CYTH3: variants seen among roughly 807,000 people sequenced by gnomAD.
The protein encoded by CYTH3 is cytohesin 3.
CYTH3 carries 23 observed loss-of-function variants against 55.1 expected under a neutral mutation model. The observed-to-expected ratio is 0.42, with a 90% CI of 0.30 to 0.59. The LOEUF is 0.59. CYTH3 is among the 20% of genes least tolerant of loss of function. The pLI is 0.20. For synonymous variants in CYTH3, 249 were observed against 194.9 expected, an observed-to-expected ratio of 1.28 and a Z score of -2.31; for missense variants, 413 against 524.8, an observed-to-expected ratio of 0.79 and a Z score of 2.08.
intron 5 of CYTH3, among the ~76,000 whole-genome samples, chr7:6,174,565 CCAGA>C (rs1054952419): frequency 5.7e-5 from 2 of 34,900 alleles, no homozygotes; most frequent in South Asian, 8.2e-4. Flanking sequence ...TTTTTTTTTT[CCAGA>C]CAGAGTCTCG....
At chr7:6,225,144 A>G (rs1320311250) in intron 1 of CYTH3, among the ~76,000 whole-genome samples, 1 of 152,180 alleles carries the variant, frequency 6.6e-6, no homozygotes, top group African/African-American at 2.4e-5. Flanking sequence ...ATTATAAACA[A>G]ATTATTAATC....
At chr7:6,247,001 G>GA (rs1410757132) in intron 1 of CYTH3, among the ~76,000 whole-genome samples, 7 of 152,110 alleles carry the variant, frequency 4.6e-5, no homozygotes, top group Admixed American at 6.5e-5. Flanking sequence ...AAGGCATACA[G>GA]AAAAATTTCA....
chr7:6,253,676 C>T (rs774321888), intron 1 of CYTH3, among the ~76,000 whole-genome samples: 5 of 152,126 alleles, frequency 3.3e-5, no homozygotes, highest in Non-Finnish European at 4.4e-5. Context: ...ATTAGCCGGG[C>T]GTGGTAGTAG....
intron 6 of CYTH3, 141 bp downstream of exon 6, chr7:6,173,512 G>A (rs1364197716): frequency 8.8e-6 from 6 of 682,536 alleles, no homozygotes; most frequent in Non-Finnish European, 5.4e-6. Context: ...GCATTAGCTG[G>A]ATCATCCGGA....
intron 1 of CYTH3, among the ~76,000 whole-genome samples, chr7:6,236,823 A>C (rs1219891473): frequency 6.6e-6 from 1 of 152,112 alleles, no homozygotes. Context: ...TCAGTCTCCC[A>C]AAGTGCTGCG....
chr7:6,259,808 TATATAA>T lies in CYTH3; in HGVS notation c.34+12660_34+12665del, dbSNP rs1271158505. Among the ~76,000 whole-genome samples, 5 of 30,268 alleles carry T rather than the reference TATATAA, an allele frequency of 1.7e-4. 1 individual carries two copies. The highest frequency in any genetic ancestry group is 1.4e-3 in the African/African-American group (4 of 2,814). The allele number at this position is 30,268 out of a possible 152,430, so 19.9% of individuals were successfully genotyped here. ...TAATATATATATATATATATATATA[TATATAA>T]TATATATATATATATATATTTTTTT... On this transcript the variant is annotated intron_variant, in intron 1 of 12. Coordinates refer to ENST00000350796, the MANE Select transcript of CYTH3 (RefSeq NM_004227.4).
intron 4 of CYTH3, among the ~76,000 whole-genome samples, chr7:6,185,571 G>A (rs1480926846): frequency 6.6e-6 from 1 of 151,904 alleles, no homozygotes; most frequent in African/African-American, 2.4e-5. Flanking sequence ...ATGGTGGCAG[G>A]CACCTGTAGT....
chr7:6,266,248 C>A (rs1165492702), intron 1 of CYTH3, among the ~76,000 whole-genome samples: 4 of 152,124 alleles, frequency 2.6e-5, no homozygotes, highest in South Asian at 2.1e-4. Flanking sequence ...AATACGGATT[C>A]TGAAATGGAA....
intron 1 of CYTH3, among the ~76,000 whole-genome samples, chr7:6,203,965 C>G (rs1210991040): frequency 6.6e-6 from 1 of 151,996 alleles, no homozygotes; most frequent in Non-Finnish European, 1.5e-5. Flanking sequence ...GATCCACCCG[C>G]CTCAGCCTCC....
At position 6,170,012 on chromosome 7, in the gene CYTH3, C is replaced by A. The variant is rs1583732688; in HGVS notation, c.823+523G>T. 1 of 163,702 alleles carries A rather than the reference C, an allele frequency of 6.1e-6. No individual in the cohort carries two copies. The highest frequency in any genetic ancestry group is 2.4e-5 in the African/African-American group (1 of 41,642). The allele number at this position is 163,702 out of a possible 1,614,324, so 10.1% of individuals were successfully genotyped here. On this transcript the variant is annotated intron_variant, in intron 9 of 12. Coordinates refer to ENST00000350796, the MANE Select transcript of CYTH3 (RefSeq NM_004227.4). The surrounding 1 kb of genome is among the most constrained non-coding windows in gnomAD (Gnocchi z 7.8). Reference sequence around the variant, plus strand: ...TGGCAGCCACACAGCGGAGCTCACACAGACCAACGTGGGGAGAGCGAGAGG... The same window carrying A: ...TGGCAGCCACACAGCGGAGCTCACAAAGACCAACGTGGGGAGAGCGAGAGG...
In CYTH3 at chr7:6,216,799, A is replaced by G. The variant is rs377220534; in HGVS notation, c.35-26268T>C. On this transcript the variant is annotated intron_variant, in intron 1 of 12. Transcript: ENST00000350796. Reference sequence around the variant, plus strand: ...CACATACATACACACACATATGTCAAACTGGAATTCTAAAAAATCTTCAAG... The same window carrying G: ...CACATACATACACACACATATGTCAGACTGGAATTCTAAAAAATCTTCAAG... Among the ~76,000 whole-genome samples the G allele has an allele frequency of 3.9e-3, 587 of 151,926 alleles. 4 individuals are homozygous for G. The highest frequency in any genetic ancestry group is 0.014 in the African/African-American group (566 of 41,380).
intron 1 of CYTH3, among the ~76,000 whole-genome samples, chr7:6,231,379 A>G (rs1779387664): frequency 6.6e-6 from 1 of 152,236 alleles, no homozygotes. Context: ...CGAAGACTCC[A>G]AAGAGCCCTG....
Position 6,161,841 on chromosome 7 carries a change from T to C in CYTH3, c.*3103A>G, listed in dbSNP as rs1782825256. On this transcript the variant is annotated 3_prime_UTR_variant, in exon 13 of 13. Coordinates refer to ENST00000350796, the MANE Select transcript of CYTH3 (RefSeq NM_004227.4). ...GTATCTGCAAGAGCTCTGACAGCCA[T>C]CCACCCTCCAATCTTACTTCACTTT... 2 of 152,608 alleles carry C rather than the reference T, an allele frequency of 1.3e-5. No homozygotes were observed. Among genetic ancestry groups the C allele is most frequent in the Admixed American group, 6.5e-5 (1 of 15,284 alleles). 9.5% of individuals were successfully genotyped at this position (152,608 alleles called of 1,614,324 possible). A position where few individuals can be genotyped will look rare whatever the true frequency, so the allele number is the denominator to read the frequency against.
chr7:6,248,948 C>A (rs1779892995), intron 1 of CYTH3, among the ~76,000 whole-genome samples: 1 of 152,168 alleles, frequency 6.6e-6, no homozygotes, highest in Non-Finnish European at 1.5e-5. Context: ...TGGAAGTTGC[C>A]AATGACCATT....
Position 6,272,497 on chromosome 7 carries a change from T to C in CYTH3, c.11A>G (p.Asp4Gly). The C allele has an allele frequency of 7.4e-7, 1 of 1,353,788 alleles. No individual in the cohort carries two copies. The highest frequency in any genetic ancestry group is 9.6e-7 in the Non-Finnish European group (1 of 1,042,604). 83.9% of individuals were successfully genotyped at this position (1,353,788 alleles called of 1,614,324 possible). A position where few individuals can be genotyped will look rare whatever the true frequency, so the allele number is the denominator to read the frequency against. The change falls in exon 1 of 13, where the codon GAC (aspartate) becomes GGC (glycine). Residue 4 changes from aspartate (D) to glycine (G), a missense_variant. By Grantham distance (94) the Asp-to-Gly change is moderately conservative. This residue lies in a region of CYTH3 where 152 missense variants were observed against 148.1 expected (regional missense o/e 1.03). Transcript: ENST00000350796. MDE[D>G]GGGEGGGVPE... ...ACCGCCACCACCCTCGCCGCCGCCGTCTTCATCCATCTTGAGGCCACTCCC... is the reference window on the plus strand; with the variant it reads ...ACCGCCACCACCCTCGCCGCCGCCGCCTTCATCCATCTTGAGGCCACTCCC...
At chr7:6,244,675 A>G (rs1779758209) in intron 1 of CYTH3, among the ~76,000 whole-genome samples, 2 of 152,138 alleles carry the variant, frequency 1.3e-5, no homozygotes, top group South Asian at 4.1e-4. Context: ...TTCCTAGGCT[A>G]AATTATTGTT....
intron 1 of CYTH3, 65 bp downstream of exon 1, chr7:6,272,409 C>CGG: frequency 4.1e-6 from 5 of 1,212,374 alleles, no homozygotes; most frequent in Non-Finnish European, 5.3e-6. Context: ...GCCGCGCCCT[C>CGG]GACCCCCAGC....
rs1782909199 is a variant in CYTH3, at chr7:6,163,790, A to AT, written c.*1153dup. The AT allele has an allele frequency of 6.6e-6, 1 of 152,156 alleles. No homozygotes were observed. Among genetic ancestry groups the AT allele is most frequent in the Non-Finnish European group, 1.5e-5 (1 of 68,028 alleles). 9.4% of individuals were successfully genotyped at this position (152,156 alleles called of 1,614,324 possible). A position where few individuals can be genotyped will look rare whatever the true frequency, so the allele number is the denominator to read the frequency against. ...CATGGGGTGAGACTGTTTTTAGTTA[A>AT]TTCTGTGTCTATTCATTAAGAAATC... On this transcript the variant is annotated 3_prime_UTR_variant, in exon 13 of 13. Transcript: ENST00000350796.
chr7:6,179,727 A>C (rs1583749432), intron 4 of CYTH3, among the ~76,000 whole-genome samples: 4 of 75,434 alleles, frequency 5.3e-5, no homozygotes, highest in Admixed American at 1.5e-4. Context: ...CACACCACAC[A>C]CACACACCCA....
Sources: gnomAD v4.1 joint callset for allele counts (sites outside exome capture counted in the v4.1 genomes callset) on GRCh38, gnomAD v4.1.1 for gene constraint, gnomAD v4.1.1 regional missense constraint, Gnocchi (gnomAD v3.1) non-coding constraint, MANE v1.5 for transcripts, NCBI Gene and HGNC (gene_info 2026-07-23, HGNC 2026-07-21) for gene names.